The following MID1 variants were observed in gnomAD, a reference collection of about 807,000 sequenced individuals.
The protein encoded by MID1 is E3 ubiquitin-protein ligase Midline-1.
In MID1, 7 loss-of-function variants were observed where a neutral mutation model predicts 40.4. The ratio of observed to expected loss-of-function variants is 0.17; its 90% CI spans 0.10 to 0.33. MID1 has a LOEUF of 0.33. Among genes scored for constraint, MID1 ranks in the 10% least tolerant of loss-of-function variants. The pLI is 1.00. For missense variants in MID1, 367 were observed against 558.5 expected, an observed-to-expected ratio of 0.66 and a Z score of 3.46; for synonymous variants, 229 against 221.2, an observed-to-expected ratio of 1.04 and a Z score of -0.31.
At chrX:10,665,985 C>G (rs1205395836) in intron 1 of MID1, among the ~76,000 whole-genome samples, 1 of 109,210 alleles carries the variant, frequency 9.2e-6, no homozygotes, top group Admixed American at 1.0e-4. Context: ...ATTCCATTGT[C>G]TCTTCCCTAT....
intron 3 of MID1, among the ~76,000 whole-genome samples, chrX:10,520,721 T>A (rs1423077979): frequency 8.9e-6 from 1 of 111,778 alleles, no homozygotes; most frequent in Admixed American, 9.5e-5. Context: ...AGAGTCATCA[T>A]GCAAATTCAT....
chrX:10,575,330 C>T (rs1934843373), intron 1 of MID1, among the ~76,000 whole-genome samples: 1 of 112,055 alleles, frequency 8.9e-6, no homozygotes, highest in African/African-American at 3.2e-5. Context: ...CTCAAAACTA[C>T]TGAAGTGTGA....
upstream of MID1, among the ~76,000 whole-genome samples, chrX:10,625,423 C>T (rs769680319): frequency 5.3e-5 from 6 of 112,474 alleles, no homozygotes; most frequent in South Asian, 3.7e-4. Flanking sequence ...ACACATAAAC[C>T]GTCACAAGGC....
At chrX:10,764,912 G>A (rs2043709680) in intron 1 of MID1, among the ~76,000 whole-genome samples, 1 of 111,578 alleles carries the variant, frequency 9.0e-6, no homozygotes, top group Non-Finnish European at 1.9e-5. Context: ...TTTTCCCACG[G>A]ACTTTTCTGT....
At chrX:10,647,673 C>T (rs1388860889) in intron 1 of MID1, among the ~76,000 whole-genome samples, 11 of 111,777 alleles carry the variant, frequency 9.8e-5, no homozygotes, top group Non-Finnish European at 1.9e-4. Flanking sequence ...CCTGATTCCA[C>T]GTGTCCCTAG....
chrX:10,641,137 T>C (rs1400347811), intron 1 of MID1, among the ~76,000 whole-genome samples: 1 of 111,428 alleles, frequency 9.0e-6, no homozygotes, highest in Non-Finnish European at 1.9e-5. Flanking sequence ...ATTCAAAAGC[T>C]AGCAGAAGGC....
At chrX:10,761,012 T>C (rs905027079) in intron 1 of MID1, among the ~76,000 whole-genome samples, 2 of 111,722 alleles carry the variant, frequency 1.8e-5, no homozygotes, top group Admixed American at 9.5e-5. Flanking sequence ...TTTGCTATCA[T>C]GTTATTTTCT....
intron 1 of MID1, among the ~76,000 whole-genome samples, chrX:10,809,819 A>G (rs60844691): frequency 0.03 from 3,272 of 109,707 alleles, 149 homozygotes; most frequent in African/African-American, 0.1. Flanking sequence ...TATACCTAAT[A>G]TAATGTTAAT....
chrX:10,464,718 C>T (rs1929239738), intron 7 of MID1, among the ~76,000 whole-genome samples: 1 of 112,034 alleles, frequency 8.9e-6, no homozygotes, highest in Non-Finnish European at 1.9e-5. Context: ...GAGCCAAGAT[C>T]AGCAGGGCTT....
chrX:10,821,960 C>T (rs1214929953), intron 1 of MID1, among the ~76,000 whole-genome samples: 1 of 111,075 alleles, frequency 9.0e-6, no homozygotes, highest in Non-Finnish European at 1.9e-5. Context: ...GTTTTTGTTG[C>T]TTTGGGACCT....
At chrX:10,536,037 T>C (rs1419166414) in intron 2 of MID1, among the ~76,000 whole-genome samples, 4 of 101,976 alleles carry the variant, frequency 3.9e-5, no homozygotes, top group Non-Finnish European at 8.0e-5. Context: ...CTGGGCAACA[T>C]AGGGAGACCC....
At chrX:10,761,055 A>G (rs887410436) in intron 1 of MID1, among the ~76,000 whole-genome samples, 2 of 111,809 alleles carry the variant, frequency 1.8e-5, no homozygotes. Context: ...TAATGACTGT[A>G]TGAGTGCCTT....
chrX:10,449,749 T>C (rs1400982913), intron 9 of MID1, 33 bp from the exon 10 acceptor site: 20 of 1,038,035 alleles, frequency 1.9e-5, no homozygotes, highest in Non-Finnish European at 2.6e-5. Context: ...ACAAAAACAA[T>C]GAGCCATGTT....
At chrX:10,784,873 T>C (rs1348168052) in intron 1 of MID1, among the ~76,000 whole-genome samples, 2 of 111,365 alleles carry the variant, frequency 1.8e-5, no homozygotes, top group African/African-American at 6.5e-5. Flanking sequence ...AATATCATAC[T>C]GAATGAGCAA....
intron 2 of MID1, among the ~76,000 whole-genome samples, chrX:10,545,069 G>A (rs1933630320): frequency 9.0e-6 from 1 of 111,443 alleles, no homozygotes. Flanking sequence ...TGATTCTCCT[G>A]TCTCAGCCTA....
chrX:10,650,447 T>G (rs1936305515), intron 1 of MID1, among the ~76,000 whole-genome samples: 1 of 110,561 alleles, frequency 9.0e-6, no homozygotes. Flanking sequence ...AGTCCGGACC[T>G]AACAAAGAAG....
chrX:10,669,743 C>T (rs1281401167), intron 1 of MID1, among the ~76,000 whole-genome samples: 1 of 112,351 alleles, frequency 8.9e-6, no homozygotes, highest in Admixed American at 9.4e-5. Flanking sequence ...GAAGCAAATT[C>T]TACAATTCCA....
chrX:10,678,831 T>C (rs905641781), intron 1 of MID1, among the ~76,000 whole-genome samples: 6 of 112,284 alleles, frequency 5.3e-5, no homozygotes, highest in Non-Finnish European at 1.1e-4. Flanking sequence ...TACACCGAAG[T>C]ATAATTTATT....
At chrX:10,493,914 ATAAT>A (rs1308454278) in intron 4 of MID1, among the ~76,000 whole-genome samples, 1 of 112,547 alleles carries the variant, frequency 8.9e-6, no homozygotes, top group African/African-American at 3.2e-5. Flanking sequence ...ATGCATATGA[ATAAT>A]TAATTGTGAC....
Sources: gnomAD v4.1 joint callset for allele counts (sites outside exome capture counted in the v4.1 genomes callset) on GRCh38, gnomAD v4.1.1 for gene constraint, MANE v1.5 for transcripts, NCBI Gene and HGNC (gene_info 2026-07-23, HGNC 2026-07-21) for gene names.